SPECC1: variants seen among roughly 807,000 people sequenced by gnomAD.
SPECC1 encodes cytospin-B.
SPECC1 carries 62 observed loss-of-function variants against 104.1 expected under a neutral mutation model. The ratio of observed to expected loss-of-function variants is 0.60; its 90% CI spans 0.49 to 0.74. The LOEUF is 0.74. SPECC1 is among the 30% of genes least tolerant of loss of function. The pLI, the probability that SPECC1 is intolerant of heterozygous loss-of-function variation, is 0.00. For synonymous variants in SPECC1, 513 were observed against 501.6 expected, an observed-to-expected ratio of 1.02 and a Z score of -0.30; for missense variants, 1,306 against 1,310.5, an observed-to-expected ratio of 1.00 and a Z score of 0.05.
chr17:20,194,739 C>T lies in SPECC1; in HGVS notation c.284-9594C>T, dbSNP rs187638984. Among the ~76,000 whole-genome samples the T allele has an allele frequency of 5.4e-4, 82 of 151,878 alleles. No homozygotes were observed. The East Asian group carries it at 0.013, about 25-fold the overall frequency. Reference sequence around the variant, plus strand: ...TAGGATGGTCTCGATCTCCTGACCACGAGACCCACCCGCCTCGGCCTCCCA... The same window carrying T: ...TAGGATGGTCTCGATCTCCTGACCATGAGACCCACCCGCCTCGGCCTCCCA... On this transcript the variant is annotated intron_variant, in intron 3 of 14. Transcript: ENST00000395527.
chr17:20,306,170 T>A, intron 14 of SPECC1, 88 bp downstream of exon 14: 1 of 1,268,636 alleles, frequency 7.9e-7, no homozygotes, highest in South Asian at 1.3e-5. Context: ...TCGTAGAACA[T>A]TGACATCTGT....
At chr17:20,201,423 A>G (rs1465946738) in intron 3 of SPECC1, among the ~76,000 whole-genome samples, 1 of 152,246 alleles carries the variant, frequency 6.6e-6, no homozygotes, top group Non-Finnish European at 1.5e-5. Flanking sequence ...CAGAGGTTGC[A>G]GTGAGCTGAG....
intron 12 of SPECC1, among the ~76,000 whole-genome samples, chr17:20,295,655 A>G (rs936458509): frequency 2.6e-5 from 4 of 152,120 alleles, no homozygotes; most frequent in Admixed American, 2.0e-4. Flanking sequence ...AAGTGTTCCT[A>G]TTTCTCAACA....
rs565520089 is a variant in SPECC1 at position 20,306,486 on chromosome 17, C to T, written c.3117+404C>T. Reference sequence around the variant, plus strand: ...CAGGCACAACTGAGCCTGCAAAACTCGGCAGGGGTGGGTGGGGGATGGTGG... The same window carrying T: ...CAGGCACAACTGAGCCTGCAAAACTTGGCAGGGGTGGGTGGGGGATGGTGG... On this transcript the variant is annotated intron_variant, in intron 14 of 14. Transcript: ENST00000395527. Among the ~76,000 whole-genome samples, 211 of 152,284 alleles carry T rather than the reference C, an allele frequency of 1.4e-3. 1 individual carries two copies. Among genetic ancestry groups the T allele is most frequent in the African/African-American group, 4.7e-3 (195 of 41,554 alleles).
intron 1 of SPECC1, among the ~76,000 whole-genome samples, chr17:20,054,413 T>A (rs1419481412): frequency 3.3e-5 from 5 of 152,168 alleles, no homozygotes; most frequent in African/African-American, 4.8e-5. Context: ...TGTGTGCAGT[T>A]CTCTCTAGTT....
intron 3 of SPECC1, among the ~76,000 whole-genome samples, chr17:20,195,376 CTAAA>C (rs78979262): frequency 0.42 from 64,059 of 151,664 alleles, 14,123 homozygotes; most frequent in East Asian, 0.8. Context: ...TAATAACACA[CTAAA>C]TAATATTAGA....
intron 3 of SPECC1, among the ~76,000 whole-genome samples, chr17:20,187,820 C>T (rs891576809): frequency 2.0e-5 from 3 of 152,080 alleles, no homozygotes; most frequent in African/African-American, 7.2e-5. Flanking sequence ...GAATGGACCC[C>T]GGGACCTATG....
At chr17:20,159,159 G>T (rs1332118002) in intron 3 of SPECC1, among the ~76,000 whole-genome samples, 1 of 152,010 alleles carries the variant, frequency 6.6e-6, no homozygotes, top group Non-Finnish European at 1.5e-5. Context: ...TGGCCAGGCT[G>T]GTCTTGAACT....
At chr17:20,206,887 C>T (rs1308152643) in intron 4 of SPECC1, among the ~76,000 whole-genome samples, 1 of 152,184 alleles carries the variant, frequency 6.6e-6, no homozygotes, top group Admixed American at 6.5e-5. Context: ...TCATTTAAAT[C>T]TGTTAATCAT....
intron 13 of SPECC1, among the ~76,000 whole-genome samples, chr17:20,304,154 G>T (rs1299812111): frequency 6.8e-6 from 1 of 147,412 alleles, no homozygotes; most frequent in Admixed American, 6.8e-5. Flanking sequence ...GCCAGGTGTG[G>T]TGGTGCATGT....
chr17:20,022,290 G>A (rs1476713923), intron 1 of SPECC1, among the ~76,000 whole-genome samples: 2 of 152,156 alleles, frequency 1.3e-5, no homozygotes, highest in Non-Finnish European at 2.9e-5. Context: ...CTGAATTTGA[G>A]AATGCTTTTA....
At chr17:20,296,700 G>A (rs1306871426) in intron 12 of SPECC1, among the ~76,000 whole-genome samples, 1 of 152,166 alleles carries the variant, frequency 6.6e-6, no homozygotes, top group African/African-American at 2.4e-5. Flanking sequence ...ATTTCGTTGA[G>A]CAGTTGTTTG....
intron 1 of SPECC1, among the ~76,000 whole-genome samples, chr17:20,093,229 C>G (rs2047482783): frequency 1.3e-5 from 2 of 152,194 alleles, no homozygotes; most frequent in Non-Finnish European, 2.9e-5. Context: ...GGCCTGCTGT[C>G]TGGTTCATAG....
At chr17:20,011,080 T>C (rs1024178145) in intron 1 of SPECC1, among the ~76,000 whole-genome samples, 1 of 152,248 alleles carries the variant, frequency 6.6e-6, no homozygotes, top group Non-Finnish European at 1.5e-5. Flanking sequence ...GGTTTTGGTA[T>C]CTGAGTTTGG....
In SPECC1 at chr17:20,205,872, C is replaced by T. The variant is rs1028968257; in HGVS notation, c.1823C>T (p.Ala608Val). Reference protein sequence around the residue: ...CNELRQELLKANGEIKHVSSL... With the variant: ...CNELRQELLKVNGEIKHVSSL... ...GAGCTCAGACAAGAATTACTAAAGG[C>T]AAACGGTGAAATTAAACATGTTTCC... Residue 608 changes from alanine (A) to valine (V), a missense_variant, in exon 4 of 15, where the codon GCA becomes GTA. Physicochemically the swap from Ala to Val is moderately conservative, Grantham distance 64. Around this residue, in one of 2 missense-constraint regions of SPECC1, gnomAD observed 1,177 missense variants for 1,139.9 expected, o/e 1.03. Coordinates refer to ENST00000395527, the MANE Select transcript of SPECC1 (RefSeq NM_001243439.2). 5 of 1,613,586 alleles carry T rather than the reference C, an allele frequency of 3.1e-6. No individual in the cohort carries two copies. The highest frequency in any genetic ancestry group is 4.2e-6 in the Non-Finnish European group (5 of 1,179,932).
chr17:20,021,702 A>ATATATTT (rs1402960712), intron 1 of SPECC1, among the ~76,000 whole-genome samples: 1 of 139,278 alleles, frequency 7.2e-6, no homozygotes, highest in African/African-American at 2.7e-5. Context: ...ATATATATAT[A>ATATATTT]TTTTTTTGTA....
At chr17:20,100,178 T>A (rs556922157) in intron 2 of SPECC1, among the ~76,000 whole-genome samples, 37 of 152,292 alleles carry the variant, frequency 2.4e-4, no homozygotes, top group African/African-American at 7.9e-4. Flanking sequence ...CCTTCCCGAT[T>A]CCTGTCCTCT....
In SPECC1 at chr17:20,318,425, A is replaced by G. The variant is rs1567632396; in HGVS notation, c.*4360A>G. On this transcript the variant is annotated 3_prime_UTR_variant, in exon 15 of 15. Coordinates refer to ENST00000395527, the MANE Select transcript of SPECC1 (RefSeq NM_001243439.2). ...AGCTTTTGTAGAGACCAACCCAAGT[A>G]GATGCAGGTGGGTGTTAGATAAAAA... 4.3e-6 allele frequency: 1 copy of G among 231,528 alleles called. No homozygotes were observed. Among genetic ancestry groups the G allele is most frequent in the Non-Finnish European group, 8.5e-6 (1 of 117,008 alleles). 14.3% of individuals were successfully genotyped at this position (231,528 alleles called of 1,614,324 possible).
chr17:20,292,319 C>T (rs908284406), intron 12 of SPECC1, among the ~76,000 whole-genome samples: 9 of 151,902 alleles, frequency 5.9e-5, no homozygotes, highest in African/African-American at 1.9e-4. Context: ...GCCCCACCAC[C>T]GCCTGTTTTT....
Sources: allele counts gnomAD v4.1 joint callset (sites outside exome capture counted in the v4.1 genomes callset), GRCh38; gene constraint gnomAD v4.1.1; regional missense constraint gnomAD v4.1.1; transcripts MANE v1.5; gene names NCBI Gene and HGNC (gene_info 2026-07-23, HGNC 2026-07-21).